PCDHGA7: variants seen among roughly 807,000 people sequenced by gnomAD.
PCDHGA7 encodes protocadherin gamma subfamily A, 7, also known as protocadherin gamma-A7.
Under a neutral mutation model 58.3 loss-of-function variants are expected in PCDHGA7, and 44 were observed. The observed-to-expected ratio is 0.75, with a 90% CI of 0.59 to 0.97. The LOEUF is 0.97. Ranked by LOEUF, PCDHGA7 falls within the 50% of genes least tolerant of loss-of-function variation. The pLI is 0.00. For missense variants in PCDHGA7, 1,266 were observed against 1,188.7 expected (o/e 1.06, Z -0.96); for synonymous variants, 516 against 504.2 (o/e 1.02, Z -0.31).
intron 1 of PCDHGA7, chr5:141,400,090 A>G: frequency 6.2e-7 from 1 of 1,614,064 alleles, no homozygotes; most frequent in Non-Finnish European, 8.5e-7. Context: ...CGCCACCGCC[A>G]CGCTGCACTT....
At chr5:141,392,632 C>A in intron 1 of PCDHGA7, 1 of 610,258 alleles carries the variant, frequency 1.6e-6, no homozygotes, top group Non-Finnish European at 2.7e-6. Context: ...ACTCAGATCT[C>A]ACACCTCACG....
rs2099400874 is a variant in PCDHGA7 at position 141,476,888 on chromosome 5, C to T, written c.2425-17919C>T. On this transcript the variant is annotated intron_variant, in intron 1 of 3. Transcript: ENST00000518325. This position sits in a 1 kb window ranked among gnomAD's most constrained non-coding sequence, Gnocchi z 7.6. ...CCGGGCGCGCGTCCTGGAGGATGCA[C>T]CCTCCGGCACGCGCGTGGTACAAGT... is the stretch of plus-strand genomic sequence containing the variant. 1.2e-6 allele frequency: 2 copies of T among 1,613,964 alleles called. No homozygotes were observed. The highest frequency in any genetic ancestry group is 1.7e-6 in the Non-Finnish European group (2 of 1,180,030).
chr5:141,434,768 T>C (rs6580188), intron 1 of PCDHGA7, among the ~76,000 whole-genome samples: 81,499 of 151,296 alleles, frequency 0.54, 23,977 homozygotes, highest in African/African-American at 0.79. Context: ...CACTTCACAC[T>C]TCTAAAAAAA....
intron 1 of PCDHGA7, chr5:141,388,813 T>G: frequency 6.2e-7 from 1 of 1,613,884 alleles, no homozygotes; most frequent in Non-Finnish European, 8.5e-7. Flanking sequence ...TTTGAAGAAG[T>G]CAAAGAATAT....
chr5:141,390,042 G>A, intron 1 of PCDHGA7: 1 of 1,614,034 alleles, frequency 6.2e-7, no homozygotes, highest in Non-Finnish European at 8.5e-7. Flanking sequence ...CTCCAGCCCC[G>A]CCTCCTGGAG....
Position 141,384,126 on chromosome 5 carries a change from C to T in PCDHGA7, c.1227C>T (p.Asn409=), listed in dbSNP as rs749225079. ...DNYYRLVTTK[N]LDRETLSLYN... is the part of the protein sequence containing the mutation. ...ATTATAGATTGGTCACAACCAAAAA[C>T]TTGGACCGGGAAACACTCTCTTTGT... The change falls in exon 1 of 4, where the codon AAC becomes AAT. Residue 409 remains asparagine, a synonymous_variant. Coordinates refer to ENST00000518325, the MANE Select transcript of PCDHGA7 (RefSeq NM_018920.4). 1.9e-6 allele frequency: 3 copies of T among 1,610,938 alleles called. No homozygotes were observed. Among genetic ancestry groups the T allele is most frequent in the Non-Finnish European group, 2.5e-6 (3 of 1,178,400 alleles).
In PCDHGA7 at chr5:141,505,438, T is replaced by C. The variant is rs149352680; in HGVS notation, c.2529T>C (p.Phe843=). The C allele has an allele frequency of 6.8e-6, 11 of 1,614,046 alleles. No homozygotes were observed. The African/African-American group carries it at 1.5e-4, about 22-fold the overall frequency. The stretch of plus-strand genomic sequence containing the variant: ...CCGGCACCTGGCCCAACAACCAGTT[T>C]GACACAGAGATGCTGCAAGCCATGA... ...DDTGTWPNNQ[F]DTEMLQAMIL... Residue 843 remains phenylalanine, a synonymous_variant, in exon 3 of 4, where the codon TTT becomes TTC. Transcript: ENST00000518325.
At chr5:141,401,128 G>A (rs1271194736) in intron 1 of PCDHGA7, among the ~76,000 whole-genome samples, 3 of 152,166 alleles carry the variant, frequency 2.0e-5, no homozygotes, top group Non-Finnish European at 4.4e-5. Context: ...TGGATCACAT[G>A]GTCAGGAGTT....
rs111458813 is a variant in PCDHGA7 at position 141,483,648 on chromosome 5, TTG to T, written c.2425-11139_2425-11138del. Among the ~76,000 whole-genome samples, 82 of 149,502 alleles carry T rather than the reference TTG, an allele frequency of 5.5e-4. 1 individual carries two copies. The highest frequency in any genetic ancestry group is 2.5e-3 in the Admixed American group (37 of 14,990). Reference sequence around the variant, plus strand: ...GGAGAAGGTATAGAGGGGTGTGTGTTTGTGTGTGTGTGTGTGTGTGTAAAAGA... The same window carrying T: ...GGAGAAGGTATAGAGGGGTGTGTGTTTGTGTGTGTGTGTGTGTGTAAAAGA... On this transcript the variant is annotated intron_variant, in intron 1 of 3. Transcript: ENST00000518325.
intron 1 of PCDHGA7, chr5:141,417,918 T>C (rs1371704441): frequency 1.2e-6 from 2 of 1,605,528 alleles, no homozygotes; most frequent in Non-Finnish European, 8.5e-7. Context: ...CTATTTCCTT[T>C]GCTGCTGCCT....
chr5:141,416,306 G>A (rs1186519939), intron 1 of PCDHGA7: 1 of 152,186 alleles, frequency 6.6e-6, no homozygotes, highest in Non-Finnish European at 1.5e-5. Flanking sequence ...CTATGTGGAA[G>A]ATATAGCATT....
At chr5:141,503,023 A>AAT (rs2099817696) in intron 2 of PCDHGA7, among the ~76,000 whole-genome samples, 1 of 141,888 alleles carries the variant, frequency 7.0e-6, no homozygotes, top group African/African-American at 2.6e-5. Context: ...TTTTTTTTTT[A>AAT]ATATCTATTT....
chr5:141,428,349 G>A (rs555622676), intron 1 of PCDHGA7: 93 of 583,074 alleles, frequency 1.6e-4, no homozygotes, highest in African/African-American at 1.5e-3. Flanking sequence ...TCCTCGCAGT[G>A]ATTTTGGCGG....
chr5:141,388,016 C>T lies in PCDHGA7; in HGVS notation c.2424+2693C>T, dbSNP rs1026420398. Reference sequence around the variant, plus strand: ...GGATTCCCGAGGAAATGCCCAAGGGCTCCGTAGTGGGGAACCTCGCCACGG... The same window carrying T: ...GGATTCCCGAGGAAATGCCCAAGGGTTCCGTAGTGGGGAACCTCGCCACGG... On this transcript the variant is annotated intron_variant, in intron 1 of 3. Coordinates refer to ENST00000518325, the MANE Select transcript of PCDHGA7 (RefSeq NM_018920.4). 4.1e-6 allele frequency: 6 copies of T among 1,465,422 alleles called. No individual in the cohort carries two copies. In the African/African-American group the frequency reaches 7.1e-5, roughly 17 times the overall value. The allele number at this position is 1,465,422 out of a possible 1,614,324, so 90.8% of individuals were successfully genotyped here.
At position 141,405,389 on chromosome 5, in the gene PCDHGA7, T is replaced by C. The variant is rs577174600; in HGVS notation, c.2424+20066T>C. ...CCCTTTGGTTCCGGTGAGTTCATTT[T>C]TTTTCTTTCTTTCTTTTCTTTTTTT... On this transcript the variant is annotated intron_variant, in intron 1 of 3. Transcript: ENST00000518325. The C allele has an allele frequency of 2.5e-6, 4 of 1,600,534 alleles. No individual in the cohort carries two copies. The East Asian group carries it at 6.7e-5, about 27-fold the overall frequency.
intron 1 of PCDHGA7, chr5:141,387,741 G>T: frequency 1.5e-6 from 2 of 1,332,868 alleles, no homozygotes; most frequent in Non-Finnish European, 2.0e-6. Context: ...CCTTTACACC[G>T]CTTCCTCCTC....
intron 1 of PCDHGA7, chr5:141,441,971 G>A: frequency 3.3e-6 from 1 of 298,820 alleles, no homozygotes; most frequent in Non-Finnish European, 6.5e-6. Flanking sequence ...AGGCTCTTCA[G>A]CCTGGAATGC....
chr5:141,475,977 A>C, intron 1 of PCDHGA7: 1 of 972,828 alleles, frequency 1.0e-6, no homozygotes, highest in Non-Finnish European at 1.5e-6. Flanking sequence ...GAGACTGAAC[A>C]GCCGGCGAGC....
intron 1 of PCDHGA7, chr5:141,417,840 A>G (rs2096168680): frequency 2.0e-6 from 3 of 1,536,422 alleles, no homozygotes; most frequent in African/African-American, 2.8e-5. Context: ...GCGGGGACCC[A>G]GCGAGAACCC....
Sources: gnomAD v4.1 joint callset for allele counts (sites outside exome capture counted in the v4.1 genomes callset) on GRCh38, gnomAD v4.1.1 for gene constraint, Gnocchi (gnomAD v3.1) non-coding constraint, MANE v1.5 for transcripts, NCBI Gene and HGNC (gene_info 2026-07-23, HGNC 2026-07-21) for gene names.